Variants in MINAR1 observed in about 807,000 individuals in gnomAD.
MINAR1 encodes major intrinsically disordered Notch2-binding receptor 1.
A neutral mutation model predicts 65.1 loss-of-function variants in MINAR1; 40 were observed. That is an observed-to-expected ratio of 0.61 (90% CI 0.48 to 0.80). The LOEUF is 0.80. Ranked by LOEUF, MINAR1 falls within the 30% of genes least tolerant of loss-of-function variation. The pLI is 0.00. For missense variants in MINAR1, 1,128 were observed against 1,148.0 expected (o/e 0.98, Z 0.25); for synonymous variants, 482 against 449.1 (o/e 1.07, Z -0.93).
intron 1 of MINAR1, among the ~76,000 whole-genome samples, chr15:79,434,636 GA>G (rs1211466395): frequency 6.6e-6 from 1 of 152,214 alleles, no homozygotes; most frequent in East Asian, 1.9e-4. Flanking sequence ...AACTAGCTAG[GA>G]AAAGGTTCTA....
intron 1 of MINAR1, among the ~76,000 whole-genome samples, chr15:79,442,927 T>G (rs1256325452): frequency 6.6e-6 from 1 of 152,160 alleles, no homozygotes; most frequent in Non-Finnish European, 1.5e-5. Context: ...GAAAAGAATA[T>G]GATATAGTTC....
intron 1 of MINAR1, among the ~76,000 whole-genome samples, chr15:79,448,293 T>C (rs1262748757): frequency 1.3e-5 from 2 of 152,228 alleles, no homozygotes; most frequent in Non-Finnish European, 2.9e-5. Context: ...GAAACAGAAG[T>C]GTAACCCCTT....
upstream of MINAR1, among the ~76,000 whole-genome samples, chr15:79,430,960 GCTGCAAGTTCA>G (rs200628926): frequency 1.7e-4 from 26 of 152,356 alleles, no homozygotes; most frequent in East Asian, 5.0e-3. Flanking sequence ...CTTGGGACTA[GCTGCAAGTTCA>G]CTTTTAAAGC....
chr15:79,456,042 C>A (rs1895399129), intron 1 of MINAR1, 56 bp from the exon 2 acceptor site: 1 of 1,096,346 alleles, frequency 9.1e-7, no homozygotes, highest in Non-Finnish European at 1.3e-6. Flanking sequence ...ACTTCAAACT[C>A]CACTGGTGTT....
upstream of MINAR1, among the ~76,000 whole-genome samples, chr15:79,428,791 A>G (rs1360199143): frequency 6.6e-6 from 1 of 152,188 alleles, no homozygotes; most frequent in African/African-American, 2.4e-5. Context: ...TAATAGTTCA[A>G]TACATCTAAA....
chr15:79,468,727 G>T lies in MINAR1; in HGVS notation c.*343G>T, dbSNP rs1240114437. 2.0e-5 allele frequency: 6 copies of T among 294,504 alleles called. No homozygotes were observed. In the Admixed American group the frequency reaches 2.5e-4, roughly 12 times the overall value. The allele number at this position is 294,504 out of a possible 1,614,324, so 18.2% of individuals were successfully genotyped here. A position where few individuals can be genotyped will look rare whatever the true frequency, so the allele number is the denominator to read the frequency against. ...TCCATTTTGATGATGTTTCATGGTG[G>T]GGAATAAGTTATACAGAAGATATTT... On this transcript the variant is annotated 3_prime_UTR_variant, in exon 4 of 4. Coordinates refer to ENST00000305428, the MANE Select transcript of MINAR1 (RefSeq NM_015206.3).
rs912066095 is a variant in MINAR1, at chr15:79,469,804, T to A, written c.*1420T>A. On this transcript the variant is annotated 3_prime_UTR_variant, in exon 4 of 4. Transcript: ENST00000305428. ...CAGAAACTAGCTACCTTATATATAT[T>A]TTTTGATAATAAGGTGGGATATAAA... 1 of 152,554 alleles carries A rather than the reference T, an allele frequency of 6.6e-6. No individual in the cohort carries two copies. The highest frequency in any genetic ancestry group is 2.1e-4 in the South Asian group (1 of 4,832). 9.5% of individuals were successfully genotyped at this position (152,554 alleles called of 1,614,324 possible).
At position 79,452,230 on chromosome 15, in the gene MINAR1, A is replaced by C. The variant is rs116876932; in HGVS notation, c.-50-3868A>C. ...GTGTGTGTGCTTGAGAGTGTGTATG[A>C]ATGTGTTGTGTGTATGTGCATGAGC... On this transcript the variant is annotated intron_variant, in intron 1 of 3. Transcript: ENST00000305428. 0.013 allele frequency among the ~76,000 whole-genome samples: 1,949 copies of C among 150,650 alleles called. 220 individuals carry two copies. In the East Asian group the frequency reaches 0.29, roughly 22 times the overall value.
the MINAR1 span, chr15:79,415,720 T>C: frequency 2.0e-5 from 3 of 152,124 alleles, no homozygotes; most frequent in Non-Finnish European, 4.4e-5. Flanking sequence ...TCTACATCAC[T>C]CTAGGGGCTC....
At position 79,457,735 on chromosome 15, in the gene MINAR1, A is replaced by G. The variant is rs547372897; in HGVS notation, c.1588A>G (p.Ile530Val). The change falls in exon 2 of 4, where the codon ATC becomes GTC. Residue 530 changes from isoleucine to valine, a missense_variant. Coordinates refer to ENST00000305428, the MANE Select transcript of MINAR1 (RefSeq NM_015206.3). ...DIFRFLDDMSISGSTGVIQSS... is the reference protein window; with the variant it reads ...DIFRFLDDMSVSGSTGVIQSS... ...TTTCCGATTTCTTGATGACATGAGCATCAGTGGCTCCACGGGAGTGATACA... is the reference window on the plus strand; with the variant it reads ...TTTCCGATTTCTTGATGACATGAGCGTCAGTGGCTCCACGGGAGTGATACA... The G allele has an allele frequency of 3.7e-6, 6 of 1,614,250 alleles. No individual in the cohort carries two copies. The highest frequency in any genetic ancestry group is 3.3e-5 in the South Asian group (3 of 91,088).
At chr15:79,440,594 G>A (rs1273881235) in intron 1 of MINAR1, among the ~76,000 whole-genome samples, 1 of 152,138 alleles carries the variant, frequency 6.6e-6, no homozygotes, top group Non-Finnish European at 1.5e-5. Context: ...TGTTTGGTTG[G>A]TCATAAAAGT....
chr15:79,442,891 G>C (rs1595935628), intron 1 of MINAR1, among the ~76,000 whole-genome samples: 1 of 152,056 alleles, frequency 6.6e-6, no homozygotes, highest in Non-Finnish European at 1.5e-5. Flanking sequence ...TTTTGCTTCA[G>C]TGTTTGTTTT....
At chr15:79,412,889 G>C in the MINAR1 span, 1 of 152,414 alleles carries the variant, frequency 6.6e-6, no homozygotes. Flanking sequence ...TGAGGAGCCA[G>C]AGAACGAAGT....
At chr15:79,463,595 A>C in intron 3 of MINAR1, 1 of 638,910 alleles carries the variant, frequency 1.6e-6, no homozygotes, top group South Asian at 1.5e-5. Context: ...CTAACAATGC[A>C]TTTACGACTC....
Position 79,468,363 on chromosome 15 carries a change from C to A in MINAR1, c.2730C>A (p.Pro910=), listed in dbSNP as rs1251159531. Reference sequence around the variant, plus strand: ...CCGTCATCCTCGTTATTGTCGTGCCCATCTGCACAATGAAATCATGAGCTA... The same window carrying A: ...CCGTCATCCTCGTTATTGTCGTGCCAATCTGCACAATGAAATCATGAGCTA... ...ACTVILVIVV[P]ICTMKS The change falls in exon 4 of 4, where the codon CCC becomes CCA. Residue 910 remains proline (P), a synonymous_variant. Transcript: ENST00000305428. The A allele has an allele frequency of 1.9e-6, 3 of 1,613,966 alleles. No individual in the cohort carries two copies. Among genetic ancestry groups the A allele is most frequent in the East Asian group, 4.5e-5 (2 of 44,872 alleles).
chr15:79,458,984 C>G (rs377364413), intron 2 of MINAR1, among the ~76,000 whole-genome samples: 1 of 152,054 alleles, frequency 6.6e-6, no homozygotes, highest in Non-Finnish European at 1.5e-5. Context: ...TGAGACCAGC[C>G]TGGCCAATAT....
intron 1 of MINAR1, among the ~76,000 whole-genome samples, chr15:79,451,435 C>T (rs1035744925): frequency 1.3e-5 from 2 of 152,060 alleles, no homozygotes; most frequent in African/African-American, 2.4e-5. Context: ...CAGGAGCCGG[C>T]GTGGGTGAGC....
rs780003877 is a variant in MINAR1, at chr15:79,458,297, G to A, written c.2150G>A (p.Ser717Asn). Residue 717 changes from serine to asparagine, a missense_variant, in exon 2 of 4, where the codon AGT becomes AAT. Physicochemically the swap from Ser to Asn is conservative, Grantham distance 46 (BLOSUM62 1). Coordinates refer to ENST00000305428, the MANE Select transcript of MINAR1 (RefSeq NM_015206.3). The stretch of plus-strand genomic sequence containing the variant: ...TCTAGGTCCCTAACAGAGGAGAACA[G>A]TGCCACAGAGTCCAAAATTGCCAGC... The part of the protein sequence containing the change: ...PSSRSLTEEN[S>N]ATESKIASIS... 1.2e-6 allele frequency: 2 copies of A among 1,614,062 alleles called. No individual in the cohort carries two copies. Among genetic ancestry groups the A allele is most frequent in the Non-Finnish European group, 1.7e-6 (2 of 1,180,048 alleles).
intron 1 of MINAR1, among the ~76,000 whole-genome samples, chr15:79,443,321 G>T (rs1894923075): frequency 6.6e-6 from 1 of 152,210 alleles, no homozygotes; most frequent in Admixed American, 6.5e-5. Context: ...CTGGTCCCTT[G>T]ATAAGAAGAG....
Sources: allele counts gnomAD v4.1 joint callset (sites outside exome capture counted in the v4.1 genomes callset), GRCh38; gene constraint gnomAD v4.1.1; transcripts MANE v1.5; gene names NCBI Gene and HGNC (gene_info 2026-07-23, HGNC 2026-07-21).